Variants in RNASEH2C observed in about 807,000 individuals in gnomAD.
RNASEH2C encodes RNase H1 small subunit.
A neutral mutation model predicts 16.3 loss-of-function variants in RNASEH2C; 20 were observed. The observed-to-expected ratio is 1.23, with a 90% confidence interval of 0.86 to 1.79. RNASEH2C has a LOEUF of 1.79. Among genes scored for constraint, RNASEH2C ranks in the 40% most tolerant of loss-of-function variants. RNASEH2C has a pLI of 0.00. For missense variants in RNASEH2C, 296 were observed against 235.9 expected, an observed-to-expected ratio of 1.25 and a Z score of -1.67; for synonymous variants, 106 against 98.9, an observed-to-expected ratio of 1.07 and a Z score of -0.43.
chr11:65,718,660 A>G lies in RNASEH2C; in HGVS notation c.*1123T>C. On this transcript the variant is annotated 3_prime_UTR_variant, in exon 4 of 4. Coordinates refer to ENST00000308418, the MANE Select transcript of RNASEH2C (RefSeq NM_032193.4). Reference sequence around the variant, plus strand: ...AGCCCCTCTCAGACCTTGGCCTCCTATCCTATCGAAGCTACTGGTCCCAGA... The same window carrying G: ...AGCCCCTCTCAGACCTTGGCCTCCTGTCCTATCGAAGCTACTGGTCCCAGA... The G allele has an allele frequency of 6.2e-7, 1 of 1,614,158 alleles. No individual in the cohort carries two copies. The highest frequency in any genetic ancestry group is 1.1e-5 in the South Asian group (1 of 91,078).
chr11:65,718,969 A>G lies in RNASEH2C; in HGVS notation c.*814T>C. On this transcript the variant is annotated 3_prime_UTR_variant, in exon 4 of 4. Coordinates refer to ENST00000308418, the MANE Select transcript of RNASEH2C (RefSeq NM_032193.4). ...ACTACTACAAGGTAGGGAGGCAGGC[A>G]GGGGAGACAGGTGTGTGGGATGCAG... 1.2e-6 allele frequency: 2 copies of G among 1,614,148 alleles called. No homozygotes were observed. Among genetic ancestry groups the G allele is most frequent in the Non-Finnish European group, 8.5e-7 (1 of 1,180,002 alleles).
At position 65,718,529 on chromosome 11, in the gene RNASEH2C, T is replaced by C; in HGVS notation, c.*1254A>G. ...AGCCTGCCTTGGCAACCTGTGTTTTTAAATGTTGCTTATGTTCATCTGTGA... is the reference window on the plus strand; with the variant it reads ...AGCCTGCCTTGGCAACCTGTGTTTTCAAATGTTGCTTATGTTCATCTGTGA... On this transcript the variant is annotated 3_prime_UTR_variant, in exon 4 of 4. Coordinates refer to ENST00000308418, the MANE Select transcript of RNASEH2C (RefSeq NM_032193.4). 4 of 1,556,802 alleles carry C rather than the reference T, an allele frequency of 2.6e-6. No individual in the cohort carries two copies. Among genetic ancestry groups the C allele is most frequent in the Non-Finnish European group, 8.8e-7 (1 of 1,142,758 alleles).
rs200792226 is a variant in RNASEH2C, at chr11:65,720,392, G to A, written c.198C>T (p.Arg66=). 7.6e-5 allele frequency: 123 copies of A among 1,613,980 alleles called. 2 individuals are homozygous for A. The South Asian group carries it at 1.2e-3, about 16-fold the overall frequency. Residue 66 remains arginine (R), a synonymous_variant, in exon 2 of 4, where the codon CGC becomes CGT. Transcript: ENST00000308418. The part of the protein sequence containing the change: ...PEGLEVSFRG[R]CLRGEEVAVP... ...CCGCCACCTCCTCTCCCCGTAGACA[G>A]CGGCCCCGAAACGACACTTCGAGTC...
In RNASEH2C at chr11:65,719,380, A is replaced by T; in HGVS notation, c.*403T>A. The T allele has an allele frequency of 1.5e-6, 1 of 658,002 alleles. No homozygotes were observed. Among genetic ancestry groups the T allele is most frequent in the Non-Finnish European group, 2.6e-6 (1 of 389,936 alleles). The allele number at this position is 658,002 out of a possible 1,614,324, so 40.8% of individuals were successfully genotyped here. A position where few individuals can be genotyped will look rare whatever the true frequency, so the allele number is the denominator to read the frequency against. On this transcript the variant is annotated 3_prime_UTR_variant, in exon 4 of 4. Transcript: ENST00000308418. ...CCGGGCTCAGACCAACTCCAAGGTC[A>T]GCTGGCCACAGGCCCAGGCCTCCTC...
At chr11:65,719,872 C>A in intron 3 of RNASEH2C, 63 bp from the exon 4 acceptor site, 1 of 1,608,716 alleles carries the variant, frequency 6.2e-7, no homozygotes, top group Non-Finnish European at 8.5e-7. Flanking sequence ...GGCCCCCATA[C>A]CCGAGGAAGG....
intron 3 of RNASEH2C, 89 bp from the exon 4 acceptor site, chr11:65,719,898 A>G: frequency 1.2e-6 from 2 of 1,605,166 alleles, no homozygotes; most frequent in Non-Finnish European, 1.7e-6. Flanking sequence ...GCTGTTCAGA[A>G]TAACCGCTTC....
chr11:65,718,901 A>G lies in RNASEH2C; in HGVS notation c.*882T>C. ...GATTAGTGAAATCACCAGCATCAAG[A>G]AGGAGGATGTCATCTCCACTCTGCA... On this transcript the variant is annotated 3_prime_UTR_variant, in exon 4 of 4. Transcript: ENST00000308418. 6.2e-7 allele frequency: 1 copy of G among 1,614,200 alleles called. No individual in the cohort carries two copies. The highest frequency in any genetic ancestry group is 8.5e-7 in the Non-Finnish European group (1 of 1,180,046).
chr11:65,720,320 C>T lies in RNASEH2C; in HGVS notation c.270G>A (p.Lys90=). 4 of 1,601,970 alleles carry T rather than the reference C, an allele frequency of 2.5e-6. No individual in the cohort carries two copies. The highest frequency in any genetic ancestry group is 8.5e-7 in the Non-Finnish European group (1 of 1,179,238). ...AGGGGTCTGGCTTCCCCATCGACAC[C>T]TTCTTCTCTTCTGTCACCATCACGT... The part of the protein sequence containing the change: ...VGYVMVTEEK[K]VSMGKPDPLR... The change falls in exon 2 of 4, where the codon AAG becomes AAA. Residue 90 remains lysine, a synonymous_variant. Transcript: ENST00000308418.
Position 65,718,531 on chromosome 11 carries a change from A to G in RNASEH2C, c.*1252T>C. ...CCTGCCTTGGCAACCTGTGTTTTTA[A>G]ATGTTGCTTATGTTCATCTGTGACC... On this transcript the variant is annotated 3_prime_UTR_variant, in exon 4 of 4. Coordinates refer to ENST00000308418, the MANE Select transcript of RNASEH2C (RefSeq NM_032193.4). 1 of 1,558,490 alleles carries G rather than the reference A, an allele frequency of 6.4e-7. No homozygotes were observed. Among genetic ancestry groups the G allele is most frequent in the Non-Finnish European group, 8.7e-7 (1 of 1,143,888 alleles).
chr11:65,719,629 G>T lies in RNASEH2C; in HGVS notation c.*154C>A. ...AGAGCCATGCAAAGTTCTTGGTGGG[G>T]AGGGGGAAAGGGCCCATGCTGGCTT... On this transcript the variant is annotated 3_prime_UTR_variant, in exon 4 of 4. Transcript: ENST00000308418. The T allele has an allele frequency of 1.3e-6, 1 of 784,550 alleles. No homozygotes were observed. The highest frequency in any genetic ancestry group is 2.2e-6 in the Non-Finnish European group (1 of 446,976). 48.6% of individuals were successfully genotyped at this position (784,550 alleles called of 1,614,324 possible).
At position 65,719,248 on chromosome 11, in the gene RNASEH2C, A is replaced by G. The variant is rs573105388; in HGVS notation, c.*535T>C. 1.1e-5 allele frequency: 17 copies of G among 1,563,536 alleles called. 1 individual carries two copies. The South Asian group carries it at 1.6e-4, about 15-fold the overall frequency. On this transcript the variant is annotated 3_prime_UTR_variant, in exon 4 of 4. Transcript: ENST00000308418. ...GGGGCTGATAGCCCACCCCGCCCCC[A>G]CTGCAGCTCCCACAAAGCACTCTAA...
chr11:65,720,037 C>T lies in RNASEH2C; in HGVS notation c.468+8G>A, dbSNP rs751767695. The T allele has an allele frequency of 2.0e-5, 32 of 1,613,170 alleles. No homozygotes were observed. The highest frequency in any genetic ancestry group is 1.5e-4 in the Admixed American group (9 of 60,032). On this transcript the variant is annotated splice_region_variant and intron_variant, in intron 3 of 3. Transcript: ENST00000308418. ...CCGGGGGCAAGACGGAACTCCTCGT[C>T]TACTCACCGCTGCCGCAAGGCTGGG... is the stretch of plus-strand genomic sequence containing the variant.
chr11:65,719,231 T>A lies in RNASEH2C; in HGVS notation c.*552A>T. On this transcript the variant is annotated 3_prime_UTR_variant, in exon 4 of 4. Coordinates refer to ENST00000308418, the MANE Select transcript of RNASEH2C (RefSeq NM_032193.4). ...AAGACGGCAGCAGGACTGGGGCTGA[T>A]AGCCCACCCCGCCCCCACTGCAGCT... The A allele has an allele frequency of 6.3e-7, 1 of 1,597,208 alleles. No homozygotes were observed. Among genetic ancestry groups the A allele is most frequent in the East Asian group, 2.2e-5 (1 of 44,764 alleles).
rs1857352830 is a variant in RNASEH2C at position 65,720,367 on chromosome 11, C to T, written c.223G>A (p.Val75Met). The part of the protein sequence containing the change: ...GRCLRGEEVA[V>M]PPGLVGYVMV... Reference sequence around the variant, plus strand: ...ACGTATCCCACGAGGCCAGGCGGCACCGCCACCTCCTCTCCCCGTAGACAG... The same window carrying T: ...ACGTATCCCACGAGGCCAGGCGGCATCGCCACCTCCTCTCCCCGTAGACAG... Residue 75 changes from valine to methionine, a missense_variant, in exon 2 of 4, where the codon GTG becomes ATG. Transcript: ENST00000308418. The T allele has an allele frequency of 1.2e-6, 2 of 1,614,120 alleles. No individual in the cohort carries two copies. Among genetic ancestry groups the T allele is most frequent in the South Asian group, 1.1e-5 (1 of 91,092 alleles).
Position 65,720,764 on chromosome 11 carries a change from C to T in RNASEH2C, c.-6G>A. On this transcript the variant is annotated 5_prime_UTR_variant, in exon 1 of 4. Coordinates refer to ENST00000308418, the MANE Select transcript of RNASEH2C (RefSeq NM_032193.4). ...GCTTCGTCGCCGCTCTCCATCCTCCCTCCTACGCGACGCCAGGGCTCGCGA... is the reference window on the plus strand; with the variant it reads ...GCTTCGTCGCCGCTCTCCATCCTCCTTCCTACGCGACGCCAGGGCTCGCGA... The T allele has an allele frequency of 6.3e-7, 1 of 1,582,828 alleles. No homozygotes were observed. The highest frequency in any genetic ancestry group is 1.3e-5 in the African/African-American group (1 of 74,310).
intron 1 of RNASEH2C, 83 bp from the exon 2 acceptor site, chr11:65,720,500 A>AC (rs1252311874): frequency 1.3e-6 from 2 of 1,579,504 alleles, no homozygotes. Flanking sequence ...CTCCGGACGG[A>AC]CCACGATCCC....
intron 2 of RNASEH2C, 29 bp downstream of exon 2, chr11:65,720,213 C>G (rs1362323404): frequency 5.0e-6 from 8 of 1,614,260 alleles, no homozygotes; most frequent in Middle Eastern, 1.6e-4. Flanking sequence ...CCCGCCCGCA[C>G]CCCCTTTCAA....
rs748085204 is a variant in RNASEH2C at position 65,720,395 on chromosome 11, G to T, written c.195C>A (p.Gly65=). 6.2e-7 allele frequency: 1 copy of T among 1,614,082 alleles called. No homozygotes were observed. The highest frequency in any genetic ancestry group is 1.1e-5 in the South Asian group (1 of 91,088). ...GPEGLEVSFR[G]RCLRGEEVAV... ...CCACCTCCTCTCCCCGTAGACAGCG[G>T]CCCCGAAACGACACTTCGAGTCCTG... The change falls in exon 2 of 4, where the codon GGC becomes GGA. Residue 65 remains glycine (G), a synonymous_variant. Coordinates refer to ENST00000308418, the MANE Select transcript of RNASEH2C (RefSeq NM_032193.4).
chr11:65,718,708 G>A lies in RNASEH2C; in HGVS notation c.*1075C>T, dbSNP rs1157347764. 1 of 1,614,082 alleles carries A rather than the reference G, an allele frequency of 6.2e-7. No individual in the cohort carries two copies. Among genetic ancestry groups the A allele is most frequent in the East Asian group, 2.2e-5 (1 of 44,896 alleles). On this transcript the variant is annotated 3_prime_UTR_variant, in exon 4 of 4. Coordinates refer to ENST00000308418, the MANE Select transcript of RNASEH2C (RefSeq NM_032193.4). ...AGACCATCCTGGAGATCCTGATGGGGCTGAAGTCGGAGAGCGGGGAGAGGC... is the reference window on the plus strand; with the variant it reads ...AGACCATCCTGGAGATCCTGATGGGACTGAAGTCGGAGAGCGGGGAGAGGC...
Sources: gnomAD v4.1 joint callset for allele counts on GRCh38, gnomAD v4.1.1 for gene constraint, MANE v1.5 for transcripts, NCBI Gene and HGNC (gene_info 2026-07-23, HGNC 2026-07-21) for gene names.